Variants in TTLL5 observed in about 807,000 individuals in gnomAD.
The protein encoded by TTLL5 is tubulin polyglutamylase TTLL5.
A neutral mutation model predicts 168.4 loss-of-function variants in TTLL5; 132 were observed. The ratio of observed to expected loss-of-function variants is 0.78; its 90% CI spans 0.68 to 0.91. The LOEUF is 0.91. Ranked by LOEUF, TTLL5 falls within the 40% of genes least tolerant of loss-of-function variation. TTLL5 has a pLI of 0.00. For missense variants in TTLL5, 1,545 were observed against 1,581.5 expected (o/e 0.98, Z 0.39); for synonymous variants, 546 against 558.6 (o/e 0.98, Z 0.32).
At chr14:75,882,986 T>C in intron 30 of TTLL5, 84 bp downstream of exon 30, 1 of 1,405,824 alleles carries the variant, frequency 7.1e-7, no homozygotes, top group South Asian at 1.3e-5. Flanking sequence ...TTCAAGACCG[T>C]TCGTACTGAA....
chr14:75,837,433 C>G (rs1046857161), intron 28 of TTLL5: 3 of 152,134 alleles, frequency 2.0e-5, no homozygotes, highest in Non-Finnish European at 2.9e-5. Flanking sequence ...TGTGGTAAAA[C>G]ACAATATAAA....
Position 75,719,780 on chromosome 14 carries a change from G to A in TTLL5, c.888G>A (p.Met296Ile). 6.2e-7 allele frequency: 1 copy of A among 1,613,802 alleles called. No individual in the cohort carries two copies. Among genetic ancestry groups the A allele is most frequent in the South Asian group, 1.1e-5 (1 of 91,032 alleles). The change falls in exon 11 of 32, where the codon ATG (methionine) becomes ATA (isoleucine). Residue 296 changes from methionine to isoleucine, a missense_variant. Transcript: ENST00000298832. ...EVEDYGNKWS[M>I]SAMLRYLKQE... Reference sequence around the variant, plus strand: ...AGGATTATGGAAACAAATGGAGCATGAGTGCTATGCTTAGGTACCTGAAAC... The same window carrying A: ...AGGATTATGGAAACAAATGGAGCATAAGTGCTATGCTTAGGTACCTGAAAC...
chr14:75,706,122 TCTC>T (rs1342619479), intron 7 of TTLL5, among the ~76,000 whole-genome samples: 3 of 152,168 alleles, frequency 2.0e-5, no homozygotes. Context: ...GCTCCTTTCT[TCTC>T]CACCATGTGC....
rs781295557 is a variant in TTLL5, at chr14:75,793,078, A to C, written c.3149A>C (p.His1050Pro). ...QAARQYSPSS[H>P]INLLTQQVTN... Reference sequence around the variant, plus strand: ...GCGAGACAGTATTCTCCATCCAGCCACATCAACCTCCTCACCCAACAGGTA... The same window carrying C: ...GCGAGACAGTATTCTCCATCCAGCCCCATCAACCTCCTCACCCAACAGGTA... The change falls in exon 27 of 32, where the codon CAC (histidine) becomes CCC (proline). Residue 1050 changes from histidine to proline, a missense_variant. Physicochemically the swap from His to Pro is moderately conservative, Grantham distance 77. Transcript: ENST00000298832. 5 of 1,612,308 alleles carry C rather than the reference A, an allele frequency of 3.1e-6. No individual in the cohort carries two copies. The highest frequency in any genetic ancestry group is 4.2e-6 in the Non-Finnish European group (5 of 1,178,932).
In TTLL5 at chr14:75,783,540, A is replaced by AGAAC; in HGVS notation, c.2986+14_2986+17dup. ...TCTTCAGCAAAGGCAGGTGAGTGAGAGAACGAAAGACAGTCCACAATGTGA... is the reference window on the plus strand; with the variant it reads ...TCTTCAGCAAAGGCAGGTGAGTGAGAGAACGAACGAAAGACAGTCCACAATGTGA... On this transcript the variant is annotated intron_variant, in intron 26 of 31. Coordinates refer to ENST00000298832, the MANE Select transcript of TTLL5 (RefSeq NM_015072.5). 1 of 1,610,670 alleles carries AGAAC rather than the reference A, an allele frequency of 6.2e-7. No individual in the cohort carries two copies. Among genetic ancestry groups the AGAAC allele is most frequent in the African/African-American group, 1.3e-5 (1 of 75,014 alleles).
intron 28 of TTLL5, among the ~76,000 whole-genome samples, chr14:75,862,011 A>T (rs1239044859): frequency 6.6e-6 from 1 of 152,168 alleles, no homozygotes; most frequent in Non-Finnish European, 1.5e-5. Flanking sequence ...ATGACTTCCT[A>T]TTCCCTAATT....
At chr14:75,678,970 T>G (rs1219415214) in intron 3 of TTLL5, among the ~76,000 whole-genome samples, 3 of 152,210 alleles carry the variant, frequency 2.0e-5, no homozygotes, top group Non-Finnish European at 2.9e-5. Context: ...CTCTTATAGT[T>G]TTTGTAAAAT....
intron 28 of TTLL5, chr14:75,820,666 T>C (rs1465456055): frequency 6.5e-6 from 1 of 154,184 alleles, no homozygotes; most frequent in East Asian, 1.9e-4. Context: ...GGGAAGGAAA[T>C]TTCCTTTATG....
intron 29 of TTLL5, among the ~76,000 whole-genome samples, chr14:75,880,946 C>T (rs1235153130): frequency 6.6e-6 from 1 of 152,136 alleles, no homozygotes; most frequent in Non-Finnish European, 1.5e-5. Context: ...CAGGGTCTAG[C>T]TCTGTCACCG....
At chr14:75,922,416 A>G (rs1386592233) in intron 31 of TTLL5, among the ~76,000 whole-genome samples, 1 of 152,140 alleles carries the variant, frequency 6.6e-6, no homozygotes, top group Non-Finnish European at 1.5e-5. Flanking sequence ...ATCAATACCT[A>G]GCTTATTGAG....
intron 31 of TTLL5, among the ~76,000 whole-genome samples, chr14:75,925,643 C>CGG (rs1389593274): frequency 2.0e-5 from 3 of 152,012 alleles, no homozygotes; most frequent in African/African-American, 7.3e-5. Context: ...ACTTCCCAGA[C>CGG]GGGCTGGGGG....
At chr14:75,892,703 T>C (rs1367096464) in intron 30 of TTLL5, among the ~76,000 whole-genome samples, 1 of 152,126 alleles carries the variant, frequency 6.6e-6, no homozygotes, top group Non-Finnish European at 1.5e-5. Context: ...CAGTGTGCCC[T>C]CCTAATGGGA....
At chr14:75,691,231 G>C (rs1171655927) in intron 6 of TTLL5, among the ~76,000 whole-genome samples, 1 of 152,136 alleles carries the variant, frequency 6.6e-6, no homozygotes, top group Non-Finnish European at 1.5e-5. Flanking sequence ...GATCTAAAAT[G>C]GGCTTCTTAT....
At chr14:75,674,289 T>C (rs1049228283) in intron 3 of TTLL5, among the ~76,000 whole-genome samples, 1 of 152,234 alleles carries the variant, frequency 6.6e-6, no homozygotes, top group African/African-American at 2.4e-5. Context: ...GAATGACTTT[T>C]GGTAGTTGCT....
chr14:75,911,019 T>G (rs2033359123), intron 31 of TTLL5, among the ~76,000 whole-genome samples: 1 of 151,844 alleles, frequency 6.6e-6, no homozygotes, highest in African/African-American at 2.4e-5. Context: ...GTTGGTTGCT[T>G]TTGTTTTTGT....
chr14:75,723,657 A>G, intron 12 of TTLL5, among the ~76,000 whole-genome samples: 1 of 151,956 alleles, frequency 6.6e-6, no homozygotes, highest in East Asian at 1.9e-4. Flanking sequence ...GAAGCTTGGG[A>G]GCTTCATTAT....
chr14:75,865,464 AC>A (rs1352767454), intron 29 of TTLL5, among the ~76,000 whole-genome samples: 4 of 151,716 alleles, frequency 2.6e-5, no homozygotes, highest in African/African-American at 9.7e-5. Context: ...TGTGCACCAA[AC>A]CCCCGCAACA....
chr14:75,793,231 G>A (rs973616843), intron 27 of TTLL5, 131 bp downstream of exon 27: 3 of 837,826 alleles, frequency 3.6e-6, no homozygotes, highest in Admixed American at 4.0e-5. Flanking sequence ...ATTAATAGTT[G>A]GTTTCAAGCT....
chr14:75,936,509 C>T (rs562530772), intron 31 of TTLL5, among the ~76,000 whole-genome samples: 1 of 152,348 alleles, frequency 6.6e-6, no homozygotes, highest in Admixed American at 6.5e-5. Flanking sequence ...TTTCTTGCAT[C>T]ATATGGCTTC....
Sources: gnomAD v4.1 joint callset for allele counts (sites outside exome capture counted in the v4.1 genomes callset) on GRCh38, gnomAD v4.1.1 for gene constraint, MANE v1.5 for transcripts, NCBI Gene and HGNC (gene_info 2026-07-23, HGNC 2026-07-21) for gene names.